The following MAPRE2 variants were observed in gnomAD, a reference collection of about 807,000 sequenced individuals.
The protein encoded by MAPRE2 is microtubule associated protein RP/EB family member 2, also known as microtubule-associated protein RP/EB family member 2.
In MAPRE2, 13 loss-of-function variants were observed where a neutral mutation model predicts 43.2. The observed-to-expected ratio is 0.30, with a 90% confidence interval of 0.20 to 0.48. The LOEUF is 0.48. Among genes scored for constraint, MAPRE2 ranks in the 20% least tolerant of loss-of-function variants. The pLI, the probability that MAPRE2 is intolerant of heterozygous loss-of-function variation, is 0.99. For missense variants in MAPRE2, 161 were observed against 400.2 expected (o/e 0.40, Z 5.10); for synonymous variants, 135 against 148.8 (o/e 0.91, Z 0.68).
At chr18:35,014,810 C>T (rs1412306038) in intron 2 of MAPRE2, among the ~76,000 whole-genome samples, 1 of 151,774 alleles carries the variant, frequency 6.6e-6, no homozygotes, top group East Asian at 1.9e-4. Flanking sequence ...GCCCCAGGGA[C>T]AAGCACTGTG....
At chr18:35,095,523 G>GTT (rs59656363) in intron 2 of MAPRE2, among the ~76,000 whole-genome samples, 32,764 of 133,944 alleles carry the variant, frequency 0.24, 4,995 homozygotes, top group African/African-American at 0.43. Context: ...ATGGAAGAGG[G>GTT]TTTTTTTTTT....
At chr18:35,132,943 G>A (rs1289769473) in intron 6 of MAPRE2, among the ~76,000 whole-genome samples, 2 of 152,208 alleles carry the variant, frequency 1.3e-5, no homozygotes, top group Non-Finnish European at 2.9e-5. Context: ...GGTGGAGGTG[G>A]GAGCCTGATG....
intron 4 of MAPRE2, among the ~76,000 whole-genome samples, chr18:35,118,843 G>T (rs1029176193): frequency 2.6e-5 from 4 of 152,098 alleles, no homozygotes; most frequent in Non-Finnish European, 5.9e-5. Flanking sequence ...GAGAAGGCAG[G>T]GCCTTTGCAC....
chr18:35,047,081 C>T (rs1044267468), intron 1 of MAPRE2, among the ~76,000 whole-genome samples: 3 of 152,158 alleles, frequency 2.0e-5, no homozygotes, highest in Non-Finnish European at 4.4e-5. Context: ...GCCAATTCCT[C>T]TGACAGTTAG....
chr18:35,026,435 C>T (rs998899114), intron 2 of MAPRE2, among the ~76,000 whole-genome samples: 3 of 152,052 alleles, frequency 2.0e-5, no homozygotes, highest in African/African-American at 4.8e-5. Flanking sequence ...GAGAATGCAG[C>T]GATGAATATG....
chr18:35,127,111 C>T (rs1344994369), intron 5 of MAPRE2, 24 bp downstream of exon 5: 1 of 1,613,768 alleles, frequency 6.2e-7, no homozygotes, highest in South Asian at 1.1e-5. Context: ...TCTGGCCACG[C>T]CTCTAGGAGC....
At chr18:35,128,751 G>A (rs183498626) in intron 5 of MAPRE2, among the ~76,000 whole-genome samples, 4 of 152,202 alleles carry the variant, frequency 2.6e-5, no homozygotes, top group East Asian at 3.9e-4. Flanking sequence ...AATTCTTTTG[G>A]TATCTTTCTT....
chr18:35,122,701 C>T (rs577505353), intron 4 of MAPRE2, among the ~76,000 whole-genome samples: 7 of 152,112 alleles, frequency 4.6e-5, no homozygotes, highest in Non-Finnish European at 1.0e-4. Flanking sequence ...CAGAGGTTGC[C>T]GAGCCTGATT....
At chr18:34,980,685 A>G (rs543366341) in intron 1 of MAPRE2, among the ~76,000 whole-genome samples, 1 of 152,310 alleles carries the variant, frequency 6.6e-6, no homozygotes, top group East Asian at 1.9e-4. Flanking sequence ...TACATTTCAT[A>G]CCCAACAATT....
At chr18:35,096,680 A>AT (rs1429597850) in intron 2 of MAPRE2, among the ~76,000 whole-genome samples, 1 of 152,172 alleles carries the variant, frequency 6.6e-6, no homozygotes, top group African/African-American at 2.4e-5. Flanking sequence ...TTAAATTAGT[A>AT]TTAACTTGGC....
At chr18:35,081,453 T>G (rs555094) in intron 2 of MAPRE2, among the ~76,000 whole-genome samples, 40,248 of 152,106 alleles carry the variant, frequency 0.26, 6,647 homozygotes, top group East Asian at 0.52. Context: ...AGTTCCTCTC[T>G]GTCTGTAATT....
At chr18:35,025,543 G>C (rs567335686) in intron 2 of MAPRE2, among the ~76,000 whole-genome samples, 1 of 152,150 alleles carries the variant, frequency 6.6e-6, no homozygotes, top group Non-Finnish European at 1.5e-5. Context: ...TGAGACAGTC[G>C]TGGCTGAATG....
intron 1 of MAPRE2, among the ~76,000 whole-genome samples, chr18:35,055,537 C>CTGTGTGTGTGTGTGTGTGTGTGTG (rs34194364): frequency 2.0e-4 from 30 of 146,692 alleles, no homozygotes; most frequent in African/African-American, 6.7e-4. Flanking sequence ...ATTCAGTTCT[C>CTGTGTGTGTGTGTGTGTGTGTGTG]TGTGTGTGTG....
chr18:35,017,204 A>G (rs1285761300), intron 2 of MAPRE2, among the ~76,000 whole-genome samples: 3 of 143,242 alleles, frequency 2.1e-5, no homozygotes, highest in Admixed American at 6.9e-5. Flanking sequence ...ATATAGCCTT[A>G]TAGTTTAAAG....
chr18:35,086,813 G>A (rs1290594190), intron 2 of MAPRE2, among the ~76,000 whole-genome samples: 7 of 152,000 alleles, frequency 4.6e-5, no homozygotes, highest in African/African-American at 1.7e-4. Flanking sequence ...TACCTCTTAA[G>A]GATACTATGG....
chr18:35,121,587 C>G (rs1421061379), intron 4 of MAPRE2, among the ~76,000 whole-genome samples: 2 of 152,034 alleles, frequency 1.3e-5, no homozygotes, highest in African/African-American at 4.8e-5. Context: ...AGGACATCCT[C>G]AAATGCAGCT....
intron 2 of MAPRE2, among the ~76,000 whole-genome samples, chr18:35,016,971 T>G (rs962555959): frequency 6.6e-6 from 1 of 152,120 alleles, no homozygotes; most frequent in Non-Finnish European, 1.5e-5. Flanking sequence ...AGTTAACTTT[T>G]GTATATAGTG....
At chr18:34,978,599 AT>A in intron 1 of MAPRE2, 1 of 1,493,860 alleles carries the variant, frequency 6.7e-7, no homozygotes, top group Non-Finnish European at 9.1e-7. Flanking sequence ...ATTTGGCCAA[AT>A]TTTTATCAAG....
intron 2 of MAPRE2, among the ~76,000 whole-genome samples, chr18:35,090,152 G>A (rs577652107): frequency 2.6e-5 from 4 of 152,082 alleles, no homozygotes; most frequent in Non-Finnish European, 5.9e-5. Context: ...CATAGAGAGC[G>A]ACTGCTAATG....
Sources: allele counts gnomAD v4.1 joint callset (sites outside exome capture counted in the v4.1 genomes callset), GRCh38; gene constraint gnomAD v4.1.1; transcripts MANE v1.5; gene names NCBI Gene and HGNC (gene_info 2026-07-23, HGNC 2026-07-21).